Variants in DAPK2 observed in about 807,000 individuals in gnomAD.
The protein encoded by DAPK2 is death associated protein kinase 2, also known as death-associated protein kinase 2.
In DAPK2, 35 loss-of-function variants were observed where a neutral mutation model predicts 44.1. The ratio of observed to expected loss-of-function variants is 0.79; its 90% CI spans 0.61 to 1.05. The LOEUF is 1.05. DAPK2 is among the 50% of genes least tolerant of loss of function. The probability of loss-of-function intolerance (pLI) is 0.00; values close to 1 mark genes in which losing one functional copy is unlikely to be tolerated. For missense variants in DAPK2, 453 were observed against 483.2 expected, an observed-to-expected ratio of 0.94 and a Z score of 0.59; for synonymous variants, 174 against 182.6, an observed-to-expected ratio of 0.95 and a Z score of 0.38.
chr15:63,916,498 A>C lies in DAPK2; in HGVS notation c.859-4301T>G, dbSNP rs2078930971. 6.6e-6 allele frequency: 1 copy of C among 152,236 alleles called. No individual in the cohort carries two copies. Among genetic ancestry groups the C allele is most frequent in the Non-Finnish European group, 1.5e-5 (1 of 68,118 alleles). 9.4% of individuals were successfully genotyped at this position (152,236 alleles called of 1,614,324 possible). Reference sequence around the variant, plus strand: ...GCTGCCCTTCCCTCAATGGAGTTTTATAGGTGGCACCCCTCCACCCCTCCC... The same window carrying C: ...GCTGCCCTTCCCTCAATGGAGTTTTCTAGGTGGCACCCCTCCACCCCTCCC... On this transcript the variant is annotated intron_variant, in intron 8 of 10. Transcript: ENST00000261891. The surrounding 1 kb of genome is among the most constrained non-coding windows in gnomAD (Gnocchi z 4.7).
At chr15:63,958,221 T>G (rs1256184011) in intron 3 of DAPK2, among the ~76,000 whole-genome samples, 1 of 152,164 alleles carries the variant, frequency 6.6e-6, no homozygotes, top group Admixed American at 6.5e-5. Context: ...TCTTGTAAAT[T>G]TGTTTAAGTT....
At chr15:64,044,625 G>C (rs748430093), upstream of DAPK2, among the ~76,000 whole-genome samples, 2 of 152,148 alleles carry the variant, frequency 1.3e-5, no homozygotes, top group African/African-American at 2.4e-5. Context: ...ACTCCTCCAA[G>C]ATGTCACCAG....
chr15:63,915,944 G>A (rs2078915571), intron 8 of DAPK2, among the ~76,000 whole-genome samples: 1 of 152,120 alleles, frequency 6.6e-6, no homozygotes, highest in Non-Finnish European at 1.5e-5. Flanking sequence ...CTTTTGATTC[G>A]ACTTGGGGTG....
chr15:63,944,926 C>G (rs17198142), intron 3 of DAPK2, among the ~76,000 whole-genome samples: 1 of 152,306 alleles, frequency 6.6e-6, no homozygotes, highest in Admixed American at 6.5e-5. Context: ...CACTCCACAA[C>G]GACATCTCAA....
At chr15:64,038,435 C>A (rs41415644) in intron 1 of DAPK2, among the ~76,000 whole-genome samples, 1 of 152,182 alleles carries the variant, frequency 6.6e-6, no homozygotes, top group South Asian at 2.1e-4. Context: ...CACAGAGAAC[C>A]GGCTTCCCAT....
chr15:63,932,031 G>C (rs1284200674), intron 4 of DAPK2, among the ~76,000 whole-genome samples: 1 of 152,030 alleles, frequency 6.6e-6, no homozygotes, highest in Non-Finnish European at 1.5e-5. Flanking sequence ...GCTGGGTATG[G>C]TGGCGGGTGC....
At chr15:64,006,048 A>AC (rs1348220908) in intron 1 of DAPK2, among the ~76,000 whole-genome samples, 6 of 151,128 alleles carry the variant, frequency 4.0e-5, no homozygotes, top group Admixed American at 3.3e-4. Context: ...AAAAAAAAAA[A>AC]AAAAAACCCC....
At position 63,922,630 on chromosome 15, in the gene DAPK2, GAC is replaced by G. The variant is rs2079108039; in HGVS notation, c.858+2184_858+2185del. On this transcript the variant is annotated intron_variant, in intron 8 of 10. Coordinates refer to ENST00000261891, the Ensembl canonical transcript of DAPK2. ...GGAGGGGCTGGAAGGCTATACTACA[GAC>G]ACACACCCCTGCAGGATAATTCTAG... The G allele has an allele frequency of 2.8e-6, 4 of 1,435,138 alleles. No individual in the cohort carries two copies. In the Admixed American group the frequency reaches 8.5e-5, roughly 30 times the overall value. The allele number at this position is 1,435,138 out of a possible 1,614,324, so 88.9% of individuals were successfully genotyped here.
intron 1 of DAPK2, among the ~76,000 whole-genome samples, chr15:64,008,900 T>C (rs568539804): frequency 6.6e-6 from 1 of 152,296 alleles, no homozygotes; most frequent in South Asian, 2.1e-4. Context: ...AGCTGCAGCA[T>C]CACCAAGGGC....
Position 63,908,519 on chromosome 15 carries a change from G to T in DAPK2, c.*1C>A. On this transcript the variant is annotated 3_prime_UTR_variant, in exon 11 of 11. Transcript: ENST00000261891. The surrounding 1 kb of genome is among the most constrained non-coding windows in gnomAD (Gnocchi z 5.7). Reference sequence around the variant, plus strand: ...CTGGCGGCCACTGCAGGTCAGGCCAGTTAGGAGGTGCTGCTCCTCCTCCGT... The same window carrying T: ...CTGGCGGCCACTGCAGGTCAGGCCATTTAGGAGGTGCTGCTCCTCCTCCGT... The T allele has an allele frequency of 6.3e-7, 1 of 1,587,998 alleles. No homozygotes were observed. The highest frequency in any genetic ancestry group is 8.6e-7 in the Non-Finnish European group (1 of 1,168,066).
chr15:64,020,179 AC>A lies in DAPK2; in HGVS notation c.92+19990del, dbSNP rs2079644817. Among the ~76,000 whole-genome samples, 1 of 152,228 alleles carries A rather than the reference AC, an allele frequency of 6.6e-6. No individual in the cohort carries two copies. ...TGCAGGACACTAAGTGCCAGAAGGC[AC>A]TTATATGCTAGAGATGGGGGAAAGG... On this transcript the variant is annotated intron_variant, in intron 1 of 10. Transcript: ENST00000261891. The surrounding 1 kb of genome is among the most constrained non-coding windows in gnomAD (Gnocchi z 4.5).
chr15:63,991,217 G>A (rs962451900), intron 1 of DAPK2: 8 of 456,154 alleles, frequency 1.8e-5, no homozygotes, highest in African/African-American at 1.4e-4. Flanking sequence ...GGGTAAGGAG[G>A]AAAAGTTTAC....
chr15:63,979,568 C>T (rs149483342), intron 2 of DAPK2, among the ~76,000 whole-genome samples: 8 of 152,148 alleles, frequency 5.3e-5, no homozygotes, highest in Non-Finnish European at 2.9e-5. Flanking sequence ...GTGAGGACCA[C>T]GAGGCCAAGA....
chr15:63,907,091 T>C (rs1212534281), exon 11 of DAPK2: 1 of 152,184 alleles, frequency 6.6e-6, no homozygotes, highest in African/African-American at 2.4e-5. Context: ...GAGTCTAAGA[T>C]TGAGGTGTCA....
chr15:63,972,582 A>C (rs2140754754), intron 2 of DAPK2, among the ~76,000 whole-genome samples: 1 of 152,376 alleles, frequency 6.6e-6, no homozygotes, highest in South Asian at 2.1e-4. Context: ...AAAGTAGCAG[A>C]GAACGTGGCT....
rs549533449 is a variant in DAPK2, at chr15:63,953,125, C to T, written c.454-13764G>A. 1.9e-3 allele frequency among the ~76,000 whole-genome samples: 287 copies of T among 152,170 alleles called. 2 individuals are homozygous for T. The highest frequency in any genetic ancestry group is 6.5e-3 in the African/African-American group (271 of 41,498). ...ACCCAATTTGCAGTCTTTTATACCT[C>T]ACCCCCCTCCCACCCTTCCCCCGAG... On this transcript the variant is annotated intron_variant, in intron 3 of 10. Coordinates refer to ENST00000261891, the Ensembl canonical transcript of DAPK2.
chr15:63,999,673 C>T lies in DAPK2; in HGVS notation c.93-15919G>A, dbSNP rs575518553. Among the ~76,000 whole-genome samples, 12 of 152,198 alleles carry T rather than the reference C, an allele frequency of 7.9e-5. No individual in the cohort carries two copies. In the South Asian group the frequency reaches 2.5e-3, roughly 32 times the overall value. ...AAAGCCTTATAATGCAAACAAGAGT[C>T]CCCTGCCCCATTCCTCTCCCACCCT... On this transcript the variant is annotated intron_variant, in intron 1 of 10. Coordinates refer to ENST00000261891, the Ensembl canonical transcript of DAPK2.
At chr15:64,011,977 A>G (rs1028974423) in intron 1 of DAPK2, among the ~76,000 whole-genome samples, 2 of 152,204 alleles carry the variant, frequency 1.3e-5, no homozygotes, top group African/African-American at 4.8e-5. Flanking sequence ...CTTCATGGAA[A>G]GTAATGAGTC....
At chr15:64,015,220 G>C (rs775647499) in intron 1 of DAPK2, among the ~76,000 whole-genome samples, 1 of 152,230 alleles carries the variant, frequency 6.6e-6, no homozygotes, top group Non-Finnish European at 1.5e-5. Flanking sequence ...GCCAAGGACA[G>C]CCTCTCTCTT....
Sources: gnomAD v4.1 joint callset for allele counts (sites outside exome capture counted in the v4.1 genomes callset) on GRCh38, gnomAD v4.1.1 for gene constraint, Gnocchi (gnomAD v3.1) non-coding constraint, MANE v1.5 for transcripts, NCBI Gene and HGNC (gene_info 2026-07-23, HGNC 2026-07-21) for gene names.